The following ANOS1 variants were observed in gnomAD, a reference collection of about 807,000 sequenced individuals.
The protein encoded by ANOS1 is anosmin-1.
In ANOS1, 6 loss-of-function variants were observed where a neutral mutation model predicts 59.0. The ratio of observed to expected loss-of-function variants is 0.10; its 90% CI spans 0.06 to 0.20. ANOS1 has a LOEUF of 0.20. Ranked by LOEUF, ANOS1 falls within the 10% of genes least tolerant of loss-of-function variation. ANOS1 has a pLI of 1.00. For missense variants in ANOS1, 433 were observed against 542.3 expected, an observed-to-expected ratio of 0.80 and a Z score of 2.00; for synonymous variants, 217 against 223.4, an observed-to-expected ratio of 0.97 and a Z score of 0.25.
At chrX:8,576,491 T>TACACAC (rs769843705) in intron 6 of ANOS1, among the ~76,000 whole-genome samples, 44 of 93,456 alleles carry the variant, frequency 4.7e-4, no homozygotes, top group African/African-American at 1.5e-3. Flanking sequence ...CACACACACA[T>TACACAC]ACACACACAC....
At chrX:8,628,258 C>A (rs1220088555) in intron 2 of ANOS1, among the ~76,000 whole-genome samples, 1 of 111,628 alleles carries the variant, frequency 9.0e-6, no homozygotes, top group Non-Finnish European at 1.9e-5. Flanking sequence ...GGGGAGGAAA[C>A]CTCAGTTCCA....
chrX:8,543,308 T>G (rs1929715895), intron 9 of ANOS1, among the ~76,000 whole-genome samples: 1 of 109,977 alleles, frequency 9.1e-6, no homozygotes, highest in Non-Finnish European at 1.9e-5. Context: ...AAGTAAAATA[T>G]AAATTAAACT....
intron 7 of ANOS1, among the ~76,000 whole-genome samples, chrX:8,569,599 T>TA (rs1930191012): frequency 9.0e-6 from 1 of 111,456 alleles, no homozygotes; most frequent in African/African-American, 3.3e-5. Context: ...CCGAGATTGC[T>TA]CCACTGCACT....
chrX:8,592,001 AT>A (rs1217691720), intron 4 of ANOS1, among the ~76,000 whole-genome samples: 3 of 112,792 alleles, frequency 2.7e-5, no homozygotes, highest in South Asian at 7.2e-4. Flanking sequence ...TTTCTTTGAA[AT>A]GCAAGAAACA....
intron 6 of ANOS1, among the ~76,000 whole-genome samples, chrX:8,572,557 C>T (rs1014302028): frequency 1.8e-5 from 2 of 111,890 alleles, no homozygotes; most frequent in African/African-American, 3.3e-5. Flanking sequence ...GGGTTCATTC[C>T]ATGTCTTTGC....
chrX:8,633,491 T>C, intron 2 of ANOS1, among the ~76,000 whole-genome samples: 1 of 112,010 alleles, frequency 8.9e-6, no homozygotes, highest in Non-Finnish European at 1.9e-5. Flanking sequence ...ATTCCTATTT[T>C]TCAACCGCAA....
intron 2 of ANOS1, among the ~76,000 whole-genome samples, chrX:8,665,450 C>A (rs1602012983): frequency 8.9e-6 from 1 of 112,208 alleles, no homozygotes; most frequent in Admixed American, 9.4e-5. Flanking sequence ...CTTTTCTAAT[C>A]TTGGAAAAAA....
At chrX:8,722,784 A>G (rs1441699994) in intron 1 of ANOS1, among the ~76,000 whole-genome samples, 1 of 110,532 alleles carries the variant, frequency 9.0e-6, no homozygotes, top group African/African-American at 3.3e-5. Context: ...TCTTTAAGGA[A>G]CCTCCACACT....
Position 8,725,559 on chromosome X carries a change from TATACAGATATAC to T in ANOS1, c.207+6259_207+6270del, listed in dbSNP as rs1434751759. On this transcript the variant is annotated intron_variant, in intron 1 of 13. Transcript: ENST00000262648. ...ACAGATATATATATACAGATATATA[TATACAGATATAC>T]ATATATACAGATATATATATACAGA... Among the ~76,000 whole-genome samples, 3 of 83,569 alleles carry T rather than the reference TATACAGATATAC, an allele frequency of 3.6e-5. No homozygotes were observed. The Admixed American group carries it at 4.3e-4, about 12-fold the overall frequency. The allele number at this position is 83,569 out of a possible 115,157, so 72.6% of individuals were successfully genotyped here.
chrX:8,706,013 G>A (rs1230070205), intron 1 of ANOS1, among the ~76,000 whole-genome samples: 8 of 112,337 alleles, frequency 7.1e-5, no homozygotes, highest in Non-Finnish European at 1.5e-4. Context: ...GCACCCAGCC[G>A]TTATTTCAAT....
At chrX:8,695,714 A>AC (rs1382602326) in intron 2 of ANOS1, among the ~76,000 whole-genome samples, 2 of 110,309 alleles carry the variant, frequency 1.8e-5, no homozygotes, top group Non-Finnish European at 3.8e-5. Flanking sequence ...AAAAAAAAAA[A>AC]AAAAACCTAG....
At chrX:8,556,389 T>C (rs1929949589) in intron 8 of ANOS1, among the ~76,000 whole-genome samples, 1 of 111,888 alleles carries the variant, frequency 8.9e-6, no homozygotes, top group African/African-American at 3.3e-5. Context: ...GGAAGTCAAA[T>C]TGTCTCTGTT....
intron 2 of ANOS1, among the ~76,000 whole-genome samples, chrX:8,636,740 T>C (rs1271483098): frequency 1.8e-5 from 2 of 111,891 alleles, no homozygotes; most frequent in Non-Finnish European, 1.9e-5. Context: ...TCATGGGGAC[T>C]TTCATGTTTC....
intron 2 of ANOS1, among the ~76,000 whole-genome samples, chrX:8,635,066 C>T (rs1007675128): frequency 9.0e-6 from 1 of 111,216 alleles, no homozygotes; most frequent in African/African-American, 3.3e-5. Flanking sequence ...TCTTGGAAGT[C>T]CCAGGTAAGC....
chrX:8,720,601 A>G (rs1021390744), intron 1 of ANOS1, among the ~76,000 whole-genome samples: 1 of 111,654 alleles, frequency 9.0e-6, no homozygotes. Flanking sequence ...CCTTCTCTCC[A>G]GTAGAAAATA....
chrX:8,690,887 C>T (rs1311332165), intron 2 of ANOS1, among the ~76,000 whole-genome samples: 1 of 110,711 alleles, frequency 9.0e-6, no homozygotes, highest in Non-Finnish European at 1.9e-5. Context: ...TAAATTACCA[C>T]TTTTCAACAC....
intron 1 of ANOS1, among the ~76,000 whole-genome samples, chrX:8,726,328 A>C (rs1284729255): frequency 2.7e-5 from 3 of 111,493 alleles, no homozygotes; most frequent in Non-Finnish European, 1.9e-5. Flanking sequence ...TCAGCTACCA[A>C]AGGGAGCCTA....
Position 8,699,699 on chromosome X carries a change from T to G in ANOS1, c.254A>C (p.Lys85Thr). Residue 85 changes from lysine to threonine, a missense_variant and splice_region_variant, in exon 2 of 14, where the codon AAG (lysine) becomes ACG (threonine). Physicochemically the swap from Lys to Thr is moderately conservative, Grantham distance 78. Coordinates refer to ENST00000262648, the MANE Select transcript of ANOS1 (RefSeq NM_000216.4). ...VWCQNHKQCS[K>T]CLEPCKESGD... ...TTCATACAGGTATAGGAAACGTACCTTAGAACATTGCTTGTGATTCTGGCA... is the reference window on the plus strand; with the variant it reads ...TTCATACAGGTATAGGAAACGTACCGTAGAACATTGCTTGTGATTCTGGCA... 1 of 1,197,223 alleles carries G rather than the reference T, an allele frequency of 8.4e-7. No homozygotes were observed. The highest frequency in any genetic ancestry group is 1.1e-6 in the Non-Finnish European group (1 of 885,018).
chrX:8,610,615 A>G (rs5978920), intron 3 of ANOS1, among the ~76,000 whole-genome samples: 41,922 of 110,086 alleles, frequency 0.38, 5,809 homozygotes, highest in South Asian at 0.43. Flanking sequence ...AAGTCTGGGG[A>G]AAGAATAATC....
Sources: allele counts gnomAD v4.1 joint callset (sites outside exome capture counted in the v4.1 genomes callset), GRCh38; gene constraint gnomAD v4.1.1; transcripts MANE v1.5; gene names NCBI Gene and HGNC (gene_info 2026-07-23, HGNC 2026-07-21).